Variants in CALCR observed in about 807,000 individuals in gnomAD.
CALCR encodes the protein calcitonin receptor.
Under a neutral mutation model 59.5 loss-of-function variants are expected in CALCR, and 47 were observed. The ratio of observed to expected loss-of-function variants is 0.79; its 90% CI spans 0.63 to 1.01. CALCR has a LOEUF of 1.01. Among genes scored for constraint, CALCR ranks in the 50% least tolerant of loss-of-function variants. The pLI is 0.00. For synonymous variants in CALCR, 213 were observed against 211.3 expected (o/e 1.01, Z -0.07); for missense variants, 566 against 597.1 (o/e 0.95, Z 0.54).
intron 2 of CALCR, among the ~76,000 whole-genome samples, chr7:93,534,430 C>T (rs1321626460): frequency 6.6e-6 from 1 of 151,762 alleles, no homozygotes; most frequent in African/African-American, 2.4e-5. Context: ...TATAGTCTCT[C>T]TGGTCACGAG....
Position 93,507,024 on chromosome 7 carries a change from C to T in CALCR, c.-26-20017G>A, listed in dbSNP as rs11762445. Among the ~76,000 whole-genome samples, 73 of 152,280 alleles carry T rather than the reference C, an allele frequency of 4.8e-4. No homozygotes were observed. The Middle Eastern group carries it at 0.01, about 21-fold the overall frequency. On this transcript the variant is annotated intron_variant, in intron 2 of 13. Transcript: ENST00000426151. ...CTGCTTCGCCATGATTGTGAGGCCT[C>T]CCCAGCCATGTGGAACTGTGAGTCC...
intron 2 of CALCR, among the ~76,000 whole-genome samples, chr7:93,519,464 G>C (rs531316158): frequency 2.0e-4 from 30 of 152,116 alleles, no homozygotes; most frequent in African/African-American, 6.7e-4. Context: ...TTAGGTAAAT[G>C]ATAGTCTGTC....
At chr7:93,514,152 T>C (rs1233591710) in intron 2 of CALCR, among the ~76,000 whole-genome samples, 1 of 152,108 alleles carries the variant, frequency 6.6e-6, no homozygotes. Context: ...GTAGTCTATG[T>C]GCTGACATAG....
At chr7:93,568,585 T>C (rs1200304702) in intron 2 of CALCR, among the ~76,000 whole-genome samples, 4 of 150,934 alleles carry the variant, frequency 2.7e-5, no homozygotes, top group Non-Finnish European at 4.4e-5. Context: ...TTCATCTCTG[T>C]CTTTTTTTTG....
At chr7:93,471,887 C>T (rs1406554054) in intron 6 of CALCR, among the ~76,000 whole-genome samples, 1 of 151,794 alleles carries the variant, frequency 6.6e-6, no homozygotes, top group Non-Finnish European at 1.5e-5. Flanking sequence ...TCTAAGCAGC[C>T]ATATCTGTAT....
intron 13 of CALCR, among the ~76,000 whole-genome samples, chr7:93,432,238 G>A (rs564746626): frequency 6.6e-6 from 1 of 152,256 alleles, no homozygotes; most frequent in East Asian, 1.9e-4. Flanking sequence ...AACACAATGT[G>A]ATGTGATCTC....
intron 9 of CALCR, among the ~76,000 whole-genome samples, chr7:93,442,998 G>A (rs754804196): frequency 6.6e-6 from 1 of 152,096 alleles, no homozygotes; most frequent in African/African-American, 2.4e-5. Flanking sequence ...TCAGCACCCT[G>A]CCTTAGTTTG....
chr7:93,466,725 G>A (rs1418830291), intron 7 of CALCR, among the ~76,000 whole-genome samples: 1 of 151,612 alleles, frequency 6.6e-6, no homozygotes, highest in East Asian at 1.9e-4. Flanking sequence ...GGCAAAGTTG[G>A]GTACTTTCTA....
At chr7:93,476,360 T>C (rs1471981569) in intron 5 of CALCR, among the ~76,000 whole-genome samples, 4 of 151,846 alleles carry the variant, frequency 2.6e-5, no homozygotes, top group African/African-American at 4.8e-5. Flanking sequence ...TTCATTAATG[T>C]GTTTTGTACA....
chr7:93,509,708 T>C (rs1801503065), intron 2 of CALCR, among the ~76,000 whole-genome samples: 3 of 152,212 alleles, frequency 2.0e-5, no homozygotes, highest in Admixed American at 6.5e-5. Context: ...ATCTTATTTA[T>C]TCCAGGAATA....
chr7:93,554,793 T>TATATATATATATATATATATATATA (rs1789552399), intron 2 of CALCR, among the ~76,000 whole-genome samples: 1 of 98,976 alleles, frequency 1.0e-5, no homozygotes, highest in African/African-American at 8.4e-5. Context: ...ATATATATAT[T>TATATATATATATATATATATATATA]ATACGTACAT....
At chr7:93,444,312 C>G (rs1030533276) in intron 8 of CALCR, among the ~76,000 whole-genome samples, 2 of 152,130 alleles carry the variant, frequency 1.3e-5, no homozygotes. Context: ...TGGGATCAAG[C>G]GCTCTCTGGG....
chr7:93,465,673 A>C (rs899340084), intron 7 of CALCR, among the ~76,000 whole-genome samples: 2 of 151,850 alleles, frequency 1.3e-5, no homozygotes, highest in Non-Finnish European at 2.9e-5. Context: ...ATAGAAGATA[A>C]ATTTTCTGCT....
chr7:93,567,166 T>A (rs75189099), intron 2 of CALCR, among the ~76,000 whole-genome samples: 7,030 of 152,276 alleles, frequency 0.046, 557 homozygotes, highest in African/African-American at 0.16. Context: ...AATAGAAGAA[T>A]GGATGTTAAG....
chr7:93,458,633 C>A (rs1449721707), intron 8 of CALCR, among the ~76,000 whole-genome samples: 1 of 152,136 alleles, frequency 6.6e-6, no homozygotes, highest in Admixed American at 6.6e-5. Context: ...TATTTCTCCA[C>A]TTCCTTTTGT....
At chr7:93,433,962 C>T (rs1461319832) in intron 13 of CALCR, among the ~76,000 whole-genome samples, 2 of 152,216 alleles carry the variant, frequency 1.3e-5, no homozygotes, top group African/African-American at 2.4e-5. Context: ...TATGACTTCT[C>T]TTTGTGATGG....
At chr7:93,545,089 A>G (rs181085269) in intron 2 of CALCR, among the ~76,000 whole-genome samples, 2 of 151,974 alleles carry the variant, frequency 1.3e-5, no homozygotes, top group Non-Finnish European at 2.9e-5. Context: ...GCTGCATGTT[A>G]AGTTGGTGGG....
At chr7:93,445,548 T>G (rs759696680) in intron 8 of CALCR, among the ~76,000 whole-genome samples, 2 of 152,132 alleles carry the variant, frequency 1.3e-5, no homozygotes, top group Non-Finnish European at 2.9e-5. Context: ...TCTATAAAGT[T>G]GCTTCAAAAA....
chr7:93,502,099 T>G (rs774679855), intron 2 of CALCR, among the ~76,000 whole-genome samples: 1 of 152,036 alleles, frequency 6.6e-6, no homozygotes, highest in Non-Finnish European at 1.5e-5. Flanking sequence ...AATTAAAACA[T>G]TAAAATGGAC....
Sources: allele counts gnomAD v4.1 joint callset (sites outside exome capture counted in the v4.1 genomes callset), GRCh38; gene constraint gnomAD v4.1.1; transcripts MANE v1.5; gene names NCBI Gene and HGNC (gene_info 2026-07-23, HGNC 2026-07-21).